CYP4Z1: variants seen among roughly 807,000 people sequenced by gnomAD.
CYP4Z1 encodes the protein cytochrome P450 4Z1.
CYP4Z1 carries 41 observed loss-of-function variants against 54.2 expected under a neutral mutation model. That is an observed-to-expected ratio of 0.76 (90% CI 0.59 to 0.98). CYP4Z1 has a LOEUF of 0.98. Ranked by LOEUF, CYP4Z1 falls within the 50% of genes least tolerant of loss-of-function variation. The probability of loss-of-function intolerance (pLI) is 0.00; values close to 1 mark genes in which losing one functional copy is unlikely to be tolerated. For missense variants in CYP4Z1, 513 were observed against 599.0 expected, an observed-to-expected ratio of 0.86 and a Z score of 1.50; for synonymous variants, 163 against 206.2, an observed-to-expected ratio of 0.79 and a Z score of 1.79.
intron 9 of CYP4Z1, among the ~76,000 whole-genome samples, chr1:47,106,595 C>T (rs1362886542): frequency 6.6e-6 from 1 of 152,122 alleles, no homozygotes; most frequent in African/African-American, 2.4e-5. Flanking sequence ...GAGAGAAGAG[C>T]AGACACAAAG....
intron 11 of CYP4Z1, 32 bp downstream of exon 11, chr1:47,116,764 A>T: frequency 6.6e-7 from 1 of 1,519,190 alleles, no homozygotes. Flanking sequence ...CTTGATGGAA[A>T]TGTGTAATAG....
chr1:47,110,947 C>T (rs1557634962), intron 9 of CYP4Z1, among the ~76,000 whole-genome samples: 1 of 151,404 alleles, frequency 6.6e-6, no homozygotes, highest in Non-Finnish European at 1.5e-5. Context: ...AGGAAGAATT[C>T]GTTAACGGTG....
chr1:47,067,920 A>G (rs1644462486), intron 1 of CYP4Z1, among the ~76,000 whole-genome samples: 1 of 152,150 alleles, frequency 6.6e-6, no homozygotes, highest in Non-Finnish European at 1.5e-5. Flanking sequence ...CAGAAATGAA[A>G]CTTGAACCCT....
intron 7 of CYP4Z1, among the ~76,000 whole-genome samples, chr1:47,095,254 C>G (rs867318925): frequency 9.2e-5 from 14 of 152,230 alleles, no homozygotes; most frequent in African/African-American, 3.4e-4. Flanking sequence ...CTACCTCAGA[C>G]CTAGTGGGTT....
At chr1:47,061,340 CAA>C in the CYP4Z1 span, among the ~76,000 whole-genome samples, 1 of 151,978 alleles carries the variant, frequency 6.6e-6, no homozygotes, top group Non-Finnish European at 1.5e-5. Context: ...TTAGAAATAA[CAA>C]AGAGGATGCT....
At chr1:47,060,150 T>A in the CYP4Z1 span, among the ~76,000 whole-genome samples, 3 of 152,252 alleles carry the variant, frequency 2.0e-5, no homozygotes, top group African/African-American at 7.2e-5. Context: ...ATTTCTATGA[T>A]CCCTTTCCAA....
At chr1:47,058,261 A>G in the CYP4Z1 span, among the ~76,000 whole-genome samples, 1 of 152,048 alleles carries the variant, frequency 6.6e-6, no homozygotes, top group African/African-American at 2.4e-5. Flanking sequence ...GAATTTGCAG[A>G]TAATTATTTT....
chr1:47,115,661 CA>C (rs931057832), intron 10 of CYP4Z1, 68 bp downstream of exon 10: 1 of 1,399,020 alleles, frequency 7.1e-7, no homozygotes, highest in African/African-American at 1.4e-5. Flanking sequence ...AGCATCTTCA[CA>C]GTTGAGAGAG....
At chr1:47,085,105 G>C (rs538155807) in intron 6 of CYP4Z1, 127 bp downstream of exon 6, 1 of 598,912 alleles carries the variant, frequency 1.7e-6, no homozygotes. Context: ...ATGCTAATTT[G>C]TACCTCTTAA....
At chr1:47,059,353 A>T in the CYP4Z1 span, among the ~76,000 whole-genome samples, 2 of 152,316 alleles carry the variant, frequency 1.3e-5, no homozygotes, top group East Asian at 3.9e-4. Flanking sequence ...TGAAAAACAA[A>T]CTTCATTTTG....
At chr1:47,069,355 G>A (rs954885854) in intron 2 of CYP4Z1, among the ~76,000 whole-genome samples, 5 of 152,198 alleles carry the variant, frequency 3.3e-5, no homozygotes, top group South Asian at 2.1e-4. Context: ...GCTGGCCTTC[G>A]CCTCACTCTC....
intron 1 of CYP4Z1, 21 bp from the exon 2 acceptor site, chr1:47,068,601 T>C (rs760927425): frequency 2.5e-6 from 4 of 1,612,920 alleles, no homozygotes; most frequent in Non-Finnish European, 3.4e-6. Context: ...TACTAACCAG[T>C]CATGACTTAT....
chr1:47,060,449 A>T, the CYP4Z1 span, among the ~76,000 whole-genome samples: 2 of 124,670 alleles, frequency 1.6e-5, no homozygotes, highest in Non-Finnish European at 3.2e-5. Flanking sequence ...ACTAACAAAG[A>T]TCAAAAAAGA....
the CYP4Z1 span, among the ~76,000 whole-genome samples, chr1:47,056,849 C>T: frequency 6.6e-6 from 1 of 152,080 alleles, no homozygotes; most frequent in African/African-American, 2.4e-5. Context: ...GAATACAGCA[C>T]ACTGATGTCT....
At chr1:47,057,335 A>AAAAAAAATATATATATAT in the CYP4Z1 span, among the ~76,000 whole-genome samples, 10 of 28,486 alleles carry the variant, frequency 3.5e-4, no homozygotes, top group Non-Finnish European at 6.7e-4. Flanking sequence ...AAGAAAAAAA[A>AAAAAAAATATATATATAT]ATATATATAT....
rs757902695 is a variant in CYP4Z1 at position 47,094,583 on chromosome 1, C to T, written c.790C>T (p.Arg264Trp). 2.5e-5 allele frequency: 40 copies of T among 1,593,224 alleles called. No individual in the cohort carries two copies. The highest frequency in any genetic ancestry group is 2.2e-4 in the Admixed American group (12 of 55,146). The change falls in exon 7 of 12, where the codon CGG (arginine) becomes TGG (tryptophan). Residue 264 changes from arginine (R) to tryptophan (W), a missense_variant. Transcript: ENST00000334194. ...CCATCTAGAGAAAGTAATCCAGGACCGGAAGGAGTCTCTTAAGGATAAGCT... is the reference window on the plus strand; with the variant it reads ...CCATCTAGAGAAAGTAATCCAGGACTGGAAGGAGTCTCTTAAGGATAAGCT... Reference protein sequence around the residue: ...HQFTEKVIQDRKESLKDKLKQ... With the variant: ...HQFTEKVIQDWKESLKDKLKQ...
Position 47,118,128 on chromosome 1 carries a change from C to T in CYP4Z1, c.*194C>T. The T allele has an allele frequency of 1.8e-6, 1 of 565,426 alleles. No homozygotes were observed. Among genetic ancestry groups the T allele is most frequent in the East Asian group, 3.3e-5 (1 of 30,564 alleles). The allele number at this position is 565,426 out of a possible 1,614,324, so 35.0% of individuals were successfully genotyped here. ...CTGTATCTGGTGAAACCCACAAAAACACCTGAAAAAACTCAAGCTGACTTC... is the reference window on the plus strand; with the variant it reads ...CTGTATCTGGTGAAACCCACAAAAATACCTGAAAAAACTCAAGCTGACTTC... On this transcript the variant is annotated 3_prime_UTR_variant, in exon 12 of 12. Coordinates refer to ENST00000334194, the MANE Select transcript of CYP4Z1 (RefSeq NM_178134.3).
At position 47,084,901 on chromosome 1, in the gene CYP4Z1, A is replaced by G; in HGVS notation, c.695A>G (p.His232Arg). Reference sequence around the variant, plus strand: ...CAGCGCATGAACAATTTTCTACATCACAACGACCTGGTTTTCAAATTCAGC... The same window carrying G: ...CAGCGCATGAACAATTTTCTACATCGCAACGACCTGGTTTTCAAATTCAGC... The part of the protein sequence containing the change: ...SNQRMNNFLH[H>R]NDLVFKFSSQ... Residue 232 changes from histidine to arginine, a missense_variant, in exon 6 of 12, where the codon CAC becomes CGC. Coordinates refer to ENST00000334194, the MANE Select transcript of CYP4Z1 (RefSeq NM_178134.3). 1.3e-6 allele frequency: 2 copies of G among 1,540,758 alleles called. No homozygotes were observed. Among genetic ancestry groups the G allele is most frequent in the Middle Eastern group, 1.7e-4 (1 of 5,720 alleles).
At chr1:47,062,687 A>C (rs550473426), upstream of CYP4Z1, among the ~76,000 whole-genome samples, 4 of 152,096 alleles carry the variant, frequency 2.6e-5, no homozygotes, top group Non-Finnish European at 2.9e-5. Context: ...AGCTGCAGCA[A>C]GCCCCGCCCA....
Sources: allele counts gnomAD v4.1 joint callset (sites outside exome capture counted in the v4.1 genomes callset), GRCh38; gene constraint gnomAD v4.1.1; transcripts MANE v1.5; gene names NCBI Gene and HGNC (gene_info 2026-07-23, HGNC 2026-07-21).